Variants in CA8 observed in about 807,000 individuals in gnomAD.
CA8 encodes carbonic anhydrase 8 (inactive).
A neutral mutation model predicts 41.4 loss-of-function variants in CA8; 22 were observed. The ratio of observed to expected loss-of-function variants is 0.53; its 90% CI spans 0.38 to 0.76. CA8 has a LOEUF of 0.76. Among genes scored for constraint, CA8 ranks in the 30% least tolerant of loss-of-function variants. The pLI, the probability that CA8 is intolerant of heterozygous loss-of-function variation, is 0.00. For missense variants in CA8, 270 were observed against 352.8 expected, an observed-to-expected ratio of 0.77 and a Z score of 1.88; for synonymous variants, 121 against 130.6, an observed-to-expected ratio of 0.93 and a Z score of 0.50.
chr8:60,239,426 A>G (rs1374958346), intron 3 of CA8, among the ~76,000 whole-genome samples: 1 of 152,206 alleles, frequency 6.6e-6, no homozygotes, highest in African/African-American at 2.4e-5. Context: ...CCTGGGCCAC[A>G]CTGGAAGAAG....
intron 2 of CA8, among the ~76,000 whole-genome samples, chr8:60,275,388 G>A (rs1804198611): frequency 2.0e-5 from 3 of 151,794 alleles, no homozygotes; most frequent in Admixed American, 2.0e-4. Flanking sequence ...GACAGGTAGG[G>A]ATAGAAAAGA....
At chr8:60,237,441 A>G (rs1354966520) in intron 3 of CA8, among the ~76,000 whole-genome samples, 1 of 152,248 alleles carries the variant, frequency 6.6e-6, no homozygotes, top group Non-Finnish European at 1.5e-5. Flanking sequence ...AATGCCACTT[A>G]CCATTTCTAA....
chr8:60,265,548 C>T (rs1391144144), intron 3 of CA8: 2 of 216,776 alleles, frequency 9.2e-6, no homozygotes, highest in African/African-American at 4.7e-5. Flanking sequence ...AGCAAACCTA[C>T]ACTTTTCATT....
intron 3 of CA8, among the ~76,000 whole-genome samples, chr8:60,253,943 G>A (rs184238038): frequency 6.6e-6 from 1 of 152,198 alleles, no homozygotes; most frequent in Admixed American, 6.5e-5. Flanking sequence ...CTTTTGAATA[G>A]GCCTGCCACA....
intron 4 of CA8, among the ~76,000 whole-genome samples, chr8:60,227,381 T>C (rs1807477829): frequency 6.6e-6 from 1 of 152,126 alleles, no homozygotes; most frequent in South Asian, 2.1e-4. Flanking sequence ...AATAACTAGG[T>C]CAATGTCTAC....
intron 3 of CA8, among the ~76,000 whole-genome samples, chr8:60,249,466 A>G (rs545661636): frequency 6.6e-6 from 1 of 152,222 alleles, no homozygotes; most frequent in African/African-American, 2.4e-5. Context: ...GGGTACTTAT[A>G]TCAAATCCTT....
rs937061986 is a variant in CA8 at position 60,187,052 on chromosome 8, G to C, written c.*2969C>G. Among the ~76,000 whole-genome samples, 8 of 151,972 alleles carry C rather than the reference G, an allele frequency of 5.3e-5. No homozygotes were observed. The East Asian group carries it at 1.5e-3, about 29-fold the overall frequency. On this transcript the variant is annotated 3_prime_UTR_variant, in exon 9 of 9. Transcript: ENST00000317995. The stretch of plus-strand genomic sequence containing the variant: ...CAATACATACTCTTAAGTACACATG[G>C]ATTATTCTGCAGGATAAACCATATG...
chr8:60,192,937 G>GCACGCACACACA (rs1806172083), intron 8 of CA8, among the ~76,000 whole-genome samples: 1 of 140,666 alleles, frequency 7.1e-6, no homozygotes, highest in Non-Finnish European at 1.5e-5. Context: ...TCAACATCAT[G>GCACGCACACACA]CACACACACA....
At chr8:60,237,925 T>C (rs1807888815) in intron 3 of CA8, among the ~76,000 whole-genome samples, 1 of 152,244 alleles carries the variant, frequency 6.6e-6, no homozygotes, top group Non-Finnish European at 1.5e-5. Context: ...ATTATTACTC[T>C]GGCAGCATGA....
chr8:60,266,187 T>C, intron 2 of CA8, 138 bp from the exon 3 acceptor site: 1 of 765,740 alleles, frequency 1.3e-6, no homozygotes, highest in Non-Finnish European at 2.1e-6. Flanking sequence ...AATGAGAAAT[T>C]TATCACAACT....
Position 60,266,042 on chromosome 8 carries a change from C to A in CA8, c.300G>T (p.Ser100=). 3 of 1,613,494 alleles carry A rather than the reference C, an allele frequency of 1.9e-6. No individual in the cohort carries two copies. The highest frequency in any genetic ancestry group is 1.7e-6 in the Non-Finnish European group (2 of 1,179,652). ...QVILKSKSVL[S]GGPLPQGHEF... ...CATGCCCTTGAGGCAATGGTCCTCC[C>A]GAAAGAACTGAAAAAGAAAATATAT... Residue 100 remains serine (S), a synonymous_variant, in exon 3 of 9, where the codon TCG becomes TCT. Transcript: ENST00000317995.
chr8:60,212,834 T>C (rs747665837), intron 7 of CA8, among the ~76,000 whole-genome samples: 2 of 152,182 alleles, frequency 1.3e-5, no homozygotes, highest in Non-Finnish European at 2.9e-5. Context: ...ACAAAGGACA[T>C]GGGAGGAAAC....
chr8:60,248,897 G>A (rs2130544639), intron 3 of CA8, among the ~76,000 whole-genome samples: 1 of 152,236 alleles, frequency 6.6e-6, no homozygotes, highest in South Asian at 2.1e-4. Context: ...TCATGAGCAT[G>A]GAATGTTTTT....
At chr8:60,234,900 C>T (rs1332840028) in intron 3 of CA8, among the ~76,000 whole-genome samples, 2 of 152,156 alleles carry the variant, frequency 1.3e-5, no homozygotes, top group Non-Finnish European at 2.9e-5. Flanking sequence ...ATGACAGACC[C>T]CCTTTCTACA....
chr8:60,273,513 GAACA>G, intron 2 of CA8, among the ~76,000 whole-genome samples: 1 of 152,316 alleles, frequency 6.6e-6, no homozygotes, highest in South Asian at 2.1e-4. Context: ...AAAAGAAGAC[GAACA>G]AAGTAGCACA....
intron 3 of CA8, among the ~76,000 whole-genome samples, chr8:60,250,264 T>TA (rs1218024267): frequency 6.6e-6 from 1 of 150,766 alleles, no homozygotes; most frequent in South Asian, 2.1e-4. Flanking sequence ...GAGTTACAGA[T>TA]ACACTTTTCC....
intron 7 of CA8, among the ~76,000 whole-genome samples, chr8:60,209,522 T>C (rs1382774359): frequency 2.6e-5 from 4 of 152,230 alleles, no homozygotes; most frequent in African/African-American, 9.6e-5. Flanking sequence ...AAAAAGGTTT[T>C]ATGCCTATCT....
chr8:60,193,004 TC>T (rs1806180011), intron 8 of CA8, among the ~76,000 whole-genome samples: 1 of 147,762 alleles, frequency 6.8e-6, no homozygotes, highest in African/African-American at 2.5e-5. Context: ...CTTCCCATCT[TC>T]CCATCACCCC....
intron 8 of CA8, among the ~76,000 whole-genome samples, chr8:60,196,649 C>G (rs1728302117): frequency 6.6e-6 from 1 of 152,134 alleles, no homozygotes; most frequent in Admixed American, 6.6e-5. Context: ...AAATACAATG[C>G]AAATTAAAAA....
Sources: gnomAD v4.1 joint callset for allele counts (sites outside exome capture counted in the v4.1 genomes callset) on GRCh38, gnomAD v4.1.1 for gene constraint, MANE v1.5 for transcripts, NCBI Gene and HGNC (gene_info 2026-07-23, HGNC 2026-07-21) for gene names.